Variants in LGR4 observed in about 807,000 individuals in gnomAD.
The protein encoded by LGR4 is leucine-rich repeat-containing G protein-coupled receptor 4.
Under a neutral mutation model 84.8 loss-of-function variants are expected in LGR4, and 44 were observed. The observed-to-expected ratio is 0.52, with a 90% CI of 0.41 to 0.67. LGR4 has a LOEUF of 0.67. LGR4 is among the 30% of genes least tolerant of loss of function. LGR4 has a pLI of 0.00. For missense variants in LGR4, 1,032 were observed against 1,131.4 expected, an observed-to-expected ratio of 0.91 and a Z score of 1.26; for synonymous variants, 429 against 434.3, an observed-to-expected ratio of 0.99 and a Z score of 0.15.
At chr11:27,418,822 G>A (rs528610745) in intron 1 of LGR4, among the ~76,000 whole-genome samples, 1 of 148,528 alleles carries the variant, frequency 6.7e-6, no homozygotes, top group East Asian at 1.9e-4. Flanking sequence ...CTACTTTCGT[G>A]GATTGAAATC....
intron 1 of LGR4, among the ~76,000 whole-genome samples, chr11:27,459,882 G>C (rs960871573): frequency 6.6e-6 from 1 of 151,958 alleles, no homozygotes; most frequent in Non-Finnish European, 1.5e-5. Context: ...CCTGAGGTCA[G>C]GAGTTCGAGA....
intron 1 of LGR4, among the ~76,000 whole-genome samples, chr11:27,416,171 A>G (rs545345638): frequency 7.9e-5 from 12 of 152,138 alleles, no homozygotes; most frequent in Admixed American, 7.9e-4. Flanking sequence ...GTAAATATAT[A>G]TCATATGAGG....
At chr11:27,418,745 A>C (rs531226676) in intron 1 of LGR4, among the ~76,000 whole-genome samples, 2 of 152,298 alleles carry the variant, frequency 1.3e-5, no homozygotes, top group South Asian at 2.1e-4. Flanking sequence ...GTCACCTTCA[A>C]ATCTTAGAAA....
At chr11:27,445,373 C>T (rs928055660) in intron 1 of LGR4, among the ~76,000 whole-genome samples, 17 of 152,036 alleles carry the variant, frequency 1.1e-4, no homozygotes, top group Admixed American at 6.6e-5. Context: ...ATTTGACTAA[C>T]GCTTATTTAA....
At chr11:27,375,614 C>T (rs1291645265) in intron 13 of LGR4, among the ~76,000 whole-genome samples, 4 of 152,194 alleles carry the variant, frequency 2.6e-5, no homozygotes, top group African/African-American at 9.7e-5. Flanking sequence ...GCTGCAACTA[C>T]TCAATTCTGC....
At chr11:27,445,252 G>A (rs975936247) in intron 1 of LGR4, among the ~76,000 whole-genome samples, 2 of 152,044 alleles carry the variant, frequency 1.3e-5, no homozygotes, top group Non-Finnish European at 2.9e-5. Flanking sequence ...CTATGGACAC[G>A]TGCGGGCCAG....
intron 2 of LGR4, among the ~76,000 whole-genome samples, chr11:27,397,362 C>T (rs1037141121): frequency 3.4e-4 from 51 of 152,164 alleles, no homozygotes; most frequent in African/African-American, 1.2e-3. Context: ...TTCCTTTGTA[C>T]TGCTCTGATC....
At chr11:27,471,994 C>G (rs1864882045) in intron 1 of LGR4, 124 bp downstream of exon 1, 2 of 641,900 alleles carry the variant, frequency 3.1e-6, no homozygotes, top group Non-Finnish European at 4.4e-6. Flanking sequence ...GGCGGACCCC[C>G]TCCCCAGGCC....
At chr11:27,435,760 T>G (rs1253428065) in intron 1 of LGR4, among the ~76,000 whole-genome samples, 1 of 151,908 alleles carries the variant, frequency 6.6e-6, no homozygotes. Flanking sequence ...AGTGCTGTGA[T>G]TACAGGTATA....
chr11:27,438,570 T>C (rs1409178519), intron 1 of LGR4, among the ~76,000 whole-genome samples: 1 of 152,198 alleles, frequency 6.6e-6, no homozygotes, highest in Non-Finnish European at 1.5e-5. Context: ...TTATTCTTGG[T>C]ATATATATAA....
At chr11:27,391,260 AT>A in intron 3 of LGR4, 95 bp from the exon 4 acceptor site, 2 of 610,478 alleles carry the variant, frequency 3.3e-6, no homozygotes, top group Non-Finnish European at 5.7e-6. Flanking sequence ...TTCAAAAAAT[AT>A]TTCCAATGGG....
At position 27,385,242 on chromosome 11, in the gene LGR4, T is replaced by C. The variant is rs1479672959; in HGVS notation, c.617+11A>G. The C allele has an allele frequency of 3.3e-6, 5 of 1,514,088 alleles. No homozygotes were observed. Among genetic ancestry groups the C allele is most frequent in the Non-Finnish European group, 4.5e-6 (5 of 1,118,484 alleles). The allele number at this position is 1,514,088 out of a possible 1,614,324, so 93.8% of individuals were successfully genotyped here. A position where few individuals can be genotyped will look rare whatever the true frequency, so the allele number is the denominator to read the frequency against. ...CACAAATATATGGAATTAAAAGGGA[T>C]AGATACTTACAGAACTACCAGGCTT... On this transcript the variant is annotated intron_variant, in intron 5 of 17. Transcript: ENST00000379214.
At chr11:27,465,333 T>A (rs1305029609) in intron 1 of LGR4, among the ~76,000 whole-genome samples, 1 of 152,210 alleles carries the variant, frequency 6.6e-6, no homozygotes, top group African/African-American at 2.4e-5. Flanking sequence ...CCCAGATGCA[T>A]AACGCCAAAT....
chr11:27,385,338 T>C lies in LGR4; in HGVS notation c.532A>G (p.Thr178Ala). The change falls in exon 5 of 18, where the codon ACC (threonine) becomes GCC (alanine). Residue 178 changes from threonine (T) to alanine (A), a missense_variant. Thr to Ala is a moderately conservative substitution (Grantham distance 58). Transcript: ENST00000379214. ...AGAGCCAGGGTCAGCGCCTGTAGGG[T>C]GGGCAGATTGCTGAGGGGGTGCACA... ...VPVHPLSNLP[T>A]LQALTLALNK... 1 of 1,611,406 alleles carries C rather than the reference T, an allele frequency of 6.2e-7. No individual in the cohort carries two copies. Among genetic ancestry groups the C allele is most frequent in the African/African-American group, 1.3e-5 (1 of 75,000 alleles).
At chr11:27,468,781 A>C (rs1468885506) in intron 1 of LGR4, among the ~76,000 whole-genome samples, 2 of 152,176 alleles carry the variant, frequency 1.3e-5, no homozygotes, top group African/African-American at 2.4e-5. Context: ...TCAAGGACTC[A>C]GGTCCACCAC....
At position 27,368,366 on chromosome 11, in the gene LGR4, G is replaced by GT; in HGVS notation, c.2356dup (p.Thr786AsnfsTer24). ...AGCAGGCAATGGAAAAAATATCAGA[G>GT]TAACAGACTTCATTATTTCGGGGCT... On this transcript the variant is annotated frameshift_variant, in exon 18 of 18. Coordinates refer to ENST00000379214, the MANE Select transcript of LGR4 (RefSeq NM_018490.5). LOFTEE classifies it high-confidence loss of function. 1.2e-6 allele frequency: 2 copies of GT among 1,613,956 alleles called. No homozygotes were observed.
At chr11:27,408,968 T>C (rs1167894256) in intron 2 of LGR4, among the ~76,000 whole-genome samples, 2 of 152,120 alleles carry the variant, frequency 1.3e-5, no homozygotes, top group Non-Finnish European at 2.9e-5. Context: ...TCTATGTTTC[T>C]ATATTCCCAA....
intron 2 of LGR4, among the ~76,000 whole-genome samples, chr11:27,395,398 C>A (rs547680277): frequency 4.6e-5 from 7 of 151,720 alleles, no homozygotes; most frequent in Non-Finnish European, 8.8e-5. Context: ...TGGCAAAATG[C>A]AGAACACCTG....
At chr11:27,404,286 A>G (rs994439096) in intron 2 of LGR4, among the ~76,000 whole-genome samples, 6 of 152,172 alleles carry the variant, frequency 3.9e-5, no homozygotes, top group South Asian at 2.1e-4. Context: ...CTAGTCTCCT[A>G]TGAAGTCCTG....
Sources: allele counts gnomAD v4.1 joint callset (sites outside exome capture counted in the v4.1 genomes callset), GRCh38; gene constraint gnomAD v4.1.1; transcripts MANE v1.5; gene names NCBI Gene and HGNC (gene_info 2026-07-23, HGNC 2026-07-21).